The following PHF21A variants were observed in gnomAD, a reference collection of about 807,000 sequenced individuals.
PHF21A encodes the protein PHD finger protein 21A.
A neutral mutation model predicts 82.5 loss-of-function variants in PHF21A; 11 were observed. That is an observed-to-expected ratio of 0.13 (90% confidence interval 0.08 to 0.22). The LOEUF is 0.22. PHF21A is among the 10% of genes least tolerant of loss of function. The pLI, the probability that PHF21A is intolerant of heterozygous loss-of-function variation, is 1.00. For missense variants in PHF21A, 579 were observed against 837.8 expected (o/e 0.69, Z 3.81); for synonymous variants, 297 against 302.8 (o/e 0.98, Z 0.20).
intron 6 of PHF21A, chr11:46,049,332 T>A (rs951803663): frequency 5.3e-5 from 22 of 417,140 alleles, no homozygotes; most frequent in Non-Finnish European, 1.0e-4. Context: ...TGTATAAAAG[T>A]TATGAAATTT....
rs772845561 is a variant in PHF21A at position 46,076,744 on chromosome 11, T to C, written c.153+10A>G. On this transcript the variant is annotated intron_variant, in intron 6 of 18. Coordinates refer to ENST00000676320, the MANE Select transcript of PHF21A (RefSeq NM_001352027.3). ...CGTTAAAAATATGCCCCCCTCCCCTTTTCCCCTACCTGTTTCTCACTCAAA... is the reference window on the plus strand; with the variant it reads ...CGTTAAAAATATGCCCCCCTCCCCTCTTCCCCTACCTGTTTCTCACTCAAA... 3.1e-6 allele frequency: 5 copies of C among 1,607,174 alleles called. No individual in the cohort carries two copies. The highest frequency in any genetic ancestry group is 4.3e-6 in the Non-Finnish European group (5 of 1,174,858).
At chr11:46,000,467 T>G (rs2095081454) in intron 6 of PHF21A, among the ~76,000 whole-genome samples, 2 of 151,946 alleles carry the variant, frequency 1.3e-5, no homozygotes, top group Non-Finnish European at 2.9e-5. Flanking sequence ...TACCAGAAAC[T>G]AGGTAACAGT....
At chr11:45,959,661 A>G (rs758640476) in intron 10 of PHF21A, among the ~76,000 whole-genome samples, 3 of 152,246 alleles carry the variant, frequency 2.0e-5, no homozygotes, top group Non-Finnish European at 4.4e-5. Flanking sequence ...TAAAACAAAT[A>G]CTAGAGCTAA....
At chr11:46,038,662 C>T (rs2096065295) in intron 6 of PHF21A, among the ~76,000 whole-genome samples, 1 of 152,104 alleles carries the variant, frequency 6.6e-6, no homozygotes, top group African/African-American at 2.4e-5. Flanking sequence ...CTTTTTTGCT[C>T]ATGAGGACTC....
intron 6 of PHF21A, among the ~76,000 whole-genome samples, chr11:46,006,352 G>C (rs1383021684): frequency 6.6e-6 from 1 of 152,092 alleles, no homozygotes; most frequent in Non-Finnish European, 1.5e-5. Flanking sequence ...ATACAATTAG[G>C]GCAAAGGCTA....
At chr11:46,076,478 AG>A (rs2096727235) in intron 6 of PHF21A, among the ~76,000 whole-genome samples, 1 of 152,192 alleles carries the variant, frequency 6.6e-6, no homozygotes, top group Non-Finnish European at 1.5e-5. Flanking sequence ...CATCCCCTAT[AG>A]GTAAACTATA....
rs573273368 is a variant in PHF21A, at chr11:45,944,672, T to C, written c.1452+1168A>G. 4.6e-5 allele frequency among the ~76,000 whole-genome samples: 7 copies of C among 152,366 alleles called. No homozygotes were observed. In the South Asian group the frequency reaches 1.4e-3, roughly 32 times the overall value. On this transcript the variant is annotated intron_variant, in intron 15 of 18. Coordinates refer to ENST00000676320, the MANE Select transcript of PHF21A (RefSeq NM_001352027.3). ...GCTTTGCACTGCTGTTCCCTCTGCC[T>C]GGCAGGCTCTTCCCCCAGATCCTCC...
chr11:45,935,529 A>G, intron 18 of PHF21A, 107 bp downstream of exon 18: 1 of 752,226 alleles, frequency 1.3e-6, no homozygotes, highest in Non-Finnish European at 2.3e-6. Flanking sequence ...GTTAATAAAC[A>G]GAAGGACCCG....
chr11:45,950,313 A>G (rs1591116323), intron 11 of PHF21A, 56 bp from the exon 12 acceptor site: 2 of 1,496,586 alleles, frequency 1.3e-6, no homozygotes, highest in East Asian at 2.3e-5. Context: ...CACAAAGCCA[A>G]TTGCCAGTTC....
In PHF21A at chr11:45,973,436, A is replaced by C. The variant is rs118152342; in HGVS notation, c.361-2069T>G. ...CTATTTTTCTGCCTTATGCGCATAT[A>C]CACATATTATCTAATCTTTTAAGAT... On this transcript the variant is annotated intron_variant, in intron 7 of 18. Coordinates refer to ENST00000676320, the MANE Select transcript of PHF21A (RefSeq NM_001352027.3). Among the ~76,000 whole-genome samples the C allele has an allele frequency of 3.8e-4, 58 of 152,340 alleles. 3 individuals are homozygous for C. In the East Asian group the frequency reaches 0.011, roughly 29 times the overall value.
At chr11:45,966,685 C>T (rs3107239) in intron 9 of PHF21A, among the ~76,000 whole-genome samples, 133,804 of 152,158 alleles carry the variant, frequency 0.88, 59,054 homozygotes, top group East Asian at 1. Flanking sequence ...AGTGGCGCGA[C>T]CTCGGCTCAC....
intron 9 of PHF21A, among the ~76,000 whole-genome samples, chr11:45,967,977 T>C (rs1358949546): frequency 6.6e-6 from 1 of 152,228 alleles, no homozygotes; most frequent in Non-Finnish European, 1.5e-5. Flanking sequence ...TAAACTGCTT[T>C]CACAACAAGT....
At chr11:45,986,304 CT>C (rs1487836712) in intron 6 of PHF21A, among the ~76,000 whole-genome samples, 2 of 152,042 alleles carry the variant, frequency 1.3e-5, no homozygotes, top group African/African-American at 2.4e-5. Flanking sequence ...CATCTTCCCC[CT>C]AACTTGATAT....
At chr11:46,042,639 T>C (rs2096173505) in intron 6 of PHF21A, among the ~76,000 whole-genome samples, 1 of 152,108 alleles carries the variant, frequency 6.6e-6, no homozygotes, top group South Asian at 2.1e-4. Flanking sequence ...AATACGTATG[T>C]TGAAATCTAA....
At chr11:45,949,954 C>T (rs2091883062) in intron 12 of PHF21A, among the ~76,000 whole-genome samples, 1 of 152,150 alleles carries the variant, frequency 6.6e-6, no homozygotes, top group Admixed American at 6.5e-5. Flanking sequence ...AAGAAGAGCT[C>T]CCCTAAATGA....
intron 9 of PHF21A, among the ~76,000 whole-genome samples, chr11:45,968,263 A>G (rs1487848067): frequency 6.6e-6 from 1 of 152,164 alleles, no homozygotes; most frequent in Non-Finnish European, 1.5e-5. Flanking sequence ...CATAAATCTG[A>G]CCACATCAAG....
intron 11 of PHF21A, among the ~76,000 whole-genome samples, chr11:45,952,646 G>A (rs1375079648): frequency 6.6e-6 from 1 of 152,118 alleles, no homozygotes; most frequent in East Asian, 1.9e-4. Context: ...TTTCATATCA[G>A]AAAGAATTAC....
intron 6 of PHF21A, among the ~76,000 whole-genome samples, chr11:46,047,624 G>C (rs566701845): frequency 6.6e-6 from 1 of 152,300 alleles, no homozygotes; most frequent in South Asian, 2.1e-4. Context: ...GAGTCTGAAA[G>C]ATATTATTTT....
intron 14 of PHF21A, among the ~76,000 whole-genome samples, chr11:45,946,470 G>A (rs1446375804): frequency 1.3e-5 from 2 of 152,076 alleles, no homozygotes; most frequent in African/African-American, 2.4e-5. Flanking sequence ...TGCAACCTCC[G>A]CCTCCCGGGT....
Sources: gnomAD v4.1 joint callset for allele counts (sites outside exome capture counted in the v4.1 genomes callset) on GRCh38, gnomAD v4.1.1 for gene constraint, MANE v1.5 for transcripts, NCBI Gene and HGNC (gene_info 2026-07-23, HGNC 2026-07-21) for gene names.